The following BCO2 variants were observed in gnomAD, a reference collection of about 807,000 sequenced individuals.
BCO2 encodes carotenoid-cleaving dioxygenase, mitochondrial.
A neutral mutation model predicts 65.8 loss-of-function variants in BCO2; 56 were observed. That is an observed-to-expected ratio of 0.85 (90% CI 0.69 to 1.06). The LOEUF is 1.06. Among genes scored for constraint, BCO2 ranks in the 50% least tolerant of loss-of-function variants. The pLI, the probability that BCO2 is intolerant of heterozygous loss-of-function variation, is 0.00. For synonymous variants in BCO2, 233 were observed against 242.3 expected (o/e 0.96, Z 0.36); for missense variants, 675 against 698.5 (o/e 0.97, Z 0.38).
At position 112,202,148 on chromosome 11, in the gene BCO2, C is replaced by G. The variant is rs144400560; in HGVS notation, c.1152C>G (p.Tyr384Ter). The part of the protein sequence containing the change: ...CQDNGRTLEV[Y>*]QLQNLRKAGE... ...ATAATGGAAGAACCCTAGAAGTTTA[C>G]CAGTTACAGAATCTCAGGAAGGCTG... Residue 384 changes from tyrosine to a stop codon, truncating the protein, a stop_gained, in exon 8 of 12, where the codon TAC becomes TAG. Transcript: ENST00000357685. LOFTEE classifies it high-confidence loss of function. The G allele has an allele frequency of 2.2e-4, 362 of 1,613,786 alleles. 2 individuals carry two copies. The African/African-American group carries it at 4.4e-3, about 20-fold the overall frequency.
intron 8 of BCO2, among the ~76,000 whole-genome samples, chr11:112,203,167 G>A (rs1218242257): frequency 1.3e-5 from 2 of 152,116 alleles, no homozygotes; most frequent in Non-Finnish European, 2.9e-5. Context: ...CTAGTTGAAG[G>A]GATTCACTTT....
chr11:112,191,356 C>T (rs1566777095), intron 2 of BCO2, among the ~76,000 whole-genome samples: 1 of 151,966 alleles, frequency 6.6e-6, no homozygotes, highest in Admixed American at 6.6e-5. Context: ...TATATGCAAA[C>T]AATAATCAGA....
intron 2 of BCO2, among the ~76,000 whole-genome samples, chr11:112,189,319 G>A (rs1302638385): frequency 1.3e-5 from 2 of 151,798 alleles, no homozygotes; most frequent in Non-Finnish European, 2.9e-5. Context: ...AAAGGAGTTC[G>A]AGACCAGTCT....
At position 112,180,727 on chromosome 11, in the gene BCO2, A is replaced by G. The variant is rs369126845; in HGVS notation, c.293+1245A>G. 85 of 807,922 alleles carry G rather than the reference A, an allele frequency of 1.1e-4. 1 individual carries two copies. The highest frequency in any genetic ancestry group is 7.8e-4 in the East Asian group (32 of 41,288). The allele number at this position is 807,922 out of a possible 1,614,324, so 50.0% of individuals were successfully genotyped here. Reference sequence around the variant, plus strand: ...AGGAGAAAAAGGTGGGAGGAGGACCAGGTGGGAGGGTGGTGGCCCACTCAG... The same window carrying G: ...AGGAGAAAAAGGTGGGAGGAGGACCGGGTGGGAGGGTGGTGGCCCACTCAG... On this transcript the variant is annotated intron_variant, in intron 2 of 11. Transcript: ENST00000357685.
chr11:112,179,357 G>T lies in BCO2; in HGVS notation c.168G>T (p.Pro56=), dbSNP rs750033799. 1 of 1,614,170 alleles carries T rather than the reference G, an allele frequency of 6.2e-7. No homozygotes were observed. Among genetic ancestry groups the T allele is most frequent in the Non-Finnish European group, 8.5e-7 (1 of 1,180,034 alleles). The stretch of plus-strand genomic sequence containing the variant: ...GTCGGGGTCTGCCATGTGTTGCACC[G>T]CTGCTGACCACAGTGGAAGAGGCTC... ...GQCRGLPCVA[P]LLTTVEEAPR... is the part of the protein sequence containing the mutation. The change falls in exon 2 of 12, where the codon CCG becomes CCT. Residue 56 remains proline (P), a synonymous_variant. Transcript: ENST00000357685.
chr11:112,197,486 T>C (rs1233612315), intron 5 of BCO2, among the ~76,000 whole-genome samples: 2 of 151,406 alleles, frequency 1.3e-5, no homozygotes, highest in Non-Finnish European at 2.9e-5. Flanking sequence ...AGGTTGAGGC[T>C]GCAGTGAGTC....
chr11:112,189,468 C>T (rs1338859320), intron 2 of BCO2, among the ~76,000 whole-genome samples: 5 of 149,864 alleles, frequency 3.3e-5, no homozygotes, highest in Non-Finnish European at 5.9e-5. Context: ...TGCAGTGGCA[C>T]GATCTCGGCT....
At chr11:112,210,985 G>T (rs1370171818) in intron 8 of BCO2, among the ~76,000 whole-genome samples, 1 of 151,918 alleles carries the variant, frequency 6.6e-6, no homozygotes, top group Non-Finnish European at 1.5e-5. Context: ...AACCATTTTA[G>T]GTGTTCAATT....
chr11:112,187,863 T>C (rs897630859), intron 2 of BCO2, among the ~76,000 whole-genome samples: 3 of 151,936 alleles, frequency 2.0e-5, no homozygotes, highest in Admixed American at 6.6e-5. Context: ...ACTGTGGGCA[T>C]ATTCCTCTGA....
intron 2 of BCO2, among the ~76,000 whole-genome samples, chr11:112,187,941 T>C (rs1867249015): frequency 6.6e-6 from 1 of 152,170 alleles, no homozygotes; most frequent in Admixed American, 6.5e-5. Context: ...AGGGAAAATA[T>C]ATGTATAAGG....
chr11:112,181,547 A>G, intron 2 of BCO2: 1 of 746,654 alleles, frequency 1.3e-6, no homozygotes, highest in South Asian at 1.4e-5. Context: ...CATCGTGGAC[A>G]GCTCATTGTA....
Position 112,177,514 on chromosome 11 carries a change from T to C in BCO2, c.89-1764T>C, listed in dbSNP as rs1289253115. 1.3e-5 allele frequency among the ~76,000 whole-genome samples: 2 copies of C among 152,230 alleles called. 1 individual carries two copies. Among genetic ancestry groups the C allele is most frequent in the Middle Eastern group, 6.3e-3 (2 of 316 alleles). ...TTTTATTTCAGGATTCTAATGCTTT[T>C]TATTCTCAGCAGTACCAAGTACTTC... is the stretch of plus-strand genomic sequence containing the variant. On this transcript the variant is annotated intron_variant, in intron 1 of 11. Transcript: ENST00000357685.
chr11:112,182,998 G>GA, intron 2 of BCO2: 5 of 1,074,020 alleles, frequency 4.7e-6, no homozygotes, highest in Non-Finnish European at 7.3e-6. Context: ...ATTAACCTGA[G>GA]GGTGGCTACA....
rs912127292 is a variant in BCO2, at chr11:112,206,227, C to T, written c.1194+4037C>T. 7.9e-5 allele frequency among the ~76,000 whole-genome samples: 12 copies of T among 151,666 alleles called. No homozygotes were observed. In the East Asian group the frequency reaches 2.3e-3, roughly 30 times the overall value. ...GGGGGCCAGGCAGAGGCGCTCCTCA[C>T]TTCCCAGACAGGGCAGCGGCCGGGC... On this transcript the variant is annotated intron_variant, in intron 8 of 11. Coordinates refer to ENST00000357685, the MANE Select transcript of BCO2 (RefSeq NM_031938.7).
At chr11:112,177,784 T>C (rs1866923617) in intron 1 of BCO2, among the ~76,000 whole-genome samples, 1 of 152,114 alleles carries the variant, frequency 6.6e-6, no homozygotes. Context: ...AGAGGGCATA[T>C]TTGAAACCAA....
Position 112,199,804 on chromosome 11 carries a change from A to G in BCO2, c.842A>G (p.Lys281Arg), listed in dbSNP as rs1867680561. ...ICSIASTEKG[K>R]PSYYHSFGMT... ...TCTATTGCTTCTACAGAGAAAGGGAAACCTTCTTACTACCATAGCTTTGGT... is the reference window on the plus strand; with the variant it reads ...TCTATTGCTTCTACAGAGAAAGGGAGACCTTCTTACTACCATAGCTTTGGT... The change falls in exon 6 of 12, where the codon AAA becomes AGA. Residue 281 changes from lysine (K) to arginine (R), a missense_variant. Lys to Arg is a conservative substitution (Grantham distance 26). Transcript: ENST00000357685. 6.2e-7 allele frequency: 1 copy of G among 1,614,084 alleles called. No individual in the cohort carries two copies. Among genetic ancestry groups the G allele is most frequent in the East Asian group, 2.2e-5 (1 of 44,870 alleles).
At chr11:112,176,962 T>C (rs376126641) in intron 1 of BCO2, among the ~76,000 whole-genome samples, 7 of 152,294 alleles carry the variant, frequency 4.6e-5, no homozygotes, top group African/African-American at 1.7e-4. Flanking sequence ...TAATGTCAAA[T>C]TCTATGGAAA....
intron 2 of BCO2, 121 bp from the exon 3 acceptor site, chr11:112,193,353 T>C: frequency 1.1e-6 from 1 of 908,900 alleles, no homozygotes; most frequent in South Asian, 1.6e-5. Context: ...ACTAATCAGG[T>C]TGTGCTGGGA....
rs1378042965 is a variant in BCO2, at chr11:112,184,284, G to A, written c.293+4802G>A. ...TTTTTTTTTTTTGAGACAGAGTCTC[G>A]CTGTGTCGCCCAGGCTGGAGTGCAG... On this transcript the variant is annotated intron_variant, in intron 2 of 11. Coordinates refer to ENST00000357685, the MANE Select transcript of BCO2 (RefSeq NM_031938.7). 2.7e-5 allele frequency among the ~76,000 whole-genome samples: 4 copies of A among 149,114 alleles called. No individual in the cohort carries two copies. In the South Asian group the frequency reaches 8.4e-4, roughly 31 times the overall value.
Sources: gnomAD v4.1 joint callset for allele counts (sites outside exome capture counted in the v4.1 genomes callset) on GRCh38, gnomAD v4.1.1 for gene constraint, MANE v1.5 for transcripts, NCBI Gene and HGNC (gene_info 2026-07-23, HGNC 2026-07-21) for gene names.